Variants in PDE1A observed in about 807,000 individuals in gnomAD.
The protein encoded by PDE1A is dual specificity calcium/calmodulin-dependent 3',5'-cyclic nucleotide phosphodiesterase 1A.
Under a neutral mutation model 61.7 loss-of-function variants are expected in PDE1A, and 35 were observed. The ratio of observed to expected loss-of-function variants is 0.57; its 90% CI spans 0.43 to 0.75. The LOEUF (loss-of-function observed/expected upper bound fraction) is 0.75, where lower values mean the gene tolerates loss of function less well. PDE1A is among the 30% of genes least tolerant of loss of function. The pLI, the probability that PDE1A is intolerant of heterozygous loss-of-function variation, is 0.00. For synonymous variants in PDE1A, 232 were observed against 213.2 expected, an observed-to-expected ratio of 1.09 and a Z score of -0.77; for missense variants, 597 against 630.6, an observed-to-expected ratio of 0.95 and a Z score of 0.57.
intron 1 of PDE1A, among the ~76,000 whole-genome samples, chr2:182,421,376 C>T (rs1485369716): frequency 1.3e-5 from 2 of 152,124 alleles, no homozygotes; most frequent in Admixed American, 6.5e-5. Flanking sequence ...GTACCCTGTT[C>T]CTGACTCTAT....
At chr2:182,632,604 A>G in the PDE1A span, among the ~76,000 whole-genome samples, 2 of 152,116 alleles carry the variant, frequency 1.3e-5, no homozygotes, top group Admixed American at 6.6e-5. Flanking sequence ...CACTGTTACC[A>G]TGCCCCACTG....
intron 13 of PDE1A, among the ~76,000 whole-genome samples, chr2:182,174,582 T>C (rs1159913298): frequency 2.0e-5 from 3 of 152,080 alleles, no homozygotes; most frequent in East Asian, 3.9e-4. Flanking sequence ...AATTCACTAT[T>C]CATACTCTGT....
chr2:182,678,051 C>T, the PDE1A span, among the ~76,000 whole-genome samples: 2 of 152,102 alleles, frequency 1.3e-5, no homozygotes, highest in African/African-American at 2.4e-5. Context: ...CTTTTAAAGG[C>T]AAGAATGAGA....
the PDE1A span, among the ~76,000 whole-genome samples, chr2:182,637,752 C>G: frequency 6.6e-6 from 1 of 152,018 alleles, no homozygotes; most frequent in African/African-American, 2.4e-5. Flanking sequence ...GAAACCCCAT[C>G]TCTACTAAAA....
intron 2 of PDE1A, among the ~76,000 whole-genome samples, chr2:182,489,649 T>C (rs1051824582): frequency 3.3e-5 from 5 of 152,192 alleles, no homozygotes; most frequent in Admixed American, 6.5e-5. Context: ...TCTCTCAAGC[T>C]TTTAGAAGCT....
At chr2:182,620,567 T>C in the PDE1A span, among the ~76,000 whole-genome samples, 1 of 152,202 alleles carries the variant, frequency 6.6e-6, no homozygotes, top group Admixed American at 6.5e-5. Context: ...CATTTTATAA[T>C]TCTCTTAAAA....
chr2:182,337,117 A>G (rs908839232), intron 1 of PDE1A, among the ~76,000 whole-genome samples: 1 of 152,210 alleles, frequency 6.6e-6, no homozygotes, highest in Non-Finnish European at 1.5e-5. Context: ...AATACATGTT[A>G]GGTTGTATTT....
chr2:182,147,122 T>C (rs1690537285), exon 14 of PDE1A: 2 of 1,606,158 alleles, frequency 1.2e-6, no homozygotes, highest in Non-Finnish European at 1.7e-6. Flanking sequence ...ATTTACTAAG[T>C]CTTCTGAGTT....
At chr2:182,351,205 A>G (rs74828271) in intron 1 of PDE1A, among the ~76,000 whole-genome samples, 177 of 152,312 alleles carry the variant, frequency 1.2e-3, no homozygotes, top group African/African-American at 4.0e-3. Flanking sequence ...ACTACAGACA[A>G]TTTTGTCCTC....
rs147098777 is a variant in PDE1A at position 182,334,380 on chromosome 2, A to G, written c.54-69966T>C. On this transcript the variant is annotated intron_variant, in intron 1 of 13. Coordinates refer to ENST00000351439, the Ensembl canonical transcript of PDE1A. ...ACATCGATGCAAAAATCCTCAATAA[A>G]ATACTGGCAAACTGAATCCAGCAGC... 7.4e-3 allele frequency among the ~76,000 whole-genome samples: 1,121 copies of G among 152,214 alleles called. 17 individuals carry two copies. The highest frequency in any genetic ancestry group is 0.026 in the African/African-American group (1,075 of 41,516).
At chr2:182,680,859 G>A in the PDE1A span, among the ~76,000 whole-genome samples, 1 of 152,318 alleles carries the variant, frequency 6.6e-6, no homozygotes, top group Non-Finnish European at 1.5e-5. Flanking sequence ...CATAGGCAGT[G>A]TATAGACAGT....
chr2:182,496,655 A>G (rs1054849580), intron 2 of PDE1A, among the ~76,000 whole-genome samples: 1 of 152,246 alleles, frequency 6.6e-6, no homozygotes, highest in African/African-American at 2.4e-5. Flanking sequence ...TTCTGCTGCT[A>G]TTTTGGCTGA....
At chr2:182,515,896 A>G (rs574614045) in intron 2 of PDE1A, among the ~76,000 whole-genome samples, 1 of 151,446 alleles carries the variant, frequency 6.6e-6, no homozygotes, top group Non-Finnish European at 1.5e-5. Context: ...TCTGAATCCA[A>G]TGTGCCATAG....
chr2:182,477,744 A>G (rs1687457611), intron 2 of PDE1A, among the ~76,000 whole-genome samples: 2 of 151,966 alleles, frequency 1.3e-5, no homozygotes, highest in African/African-American at 2.4e-5. Context: ...ACTGAATCCA[A>G]AGATGCATAA....
At chr2:182,677,691 G>C in the PDE1A span, among the ~76,000 whole-genome samples, 2 of 152,172 alleles carry the variant, frequency 1.3e-5, no homozygotes, top group African/African-American at 4.8e-5. Flanking sequence ...CAATGGAACA[G>C]AATAGAGAGC....
intron 2 of PDE1A, among the ~76,000 whole-genome samples, chr2:182,439,144 C>G (rs1684631888): frequency 6.6e-6 from 1 of 151,792 alleles, no homozygotes; most frequent in Non-Finnish European, 1.5e-5. Context: ...TAAGAAGACC[C>G]AGATTGGTAA....
rs16822843 is a variant in PDE1A, at chr2:182,195,783, A to C, written c.1125+5656T>G. ...GCTAAATGCAGAGCAGAATGGTATCAGTACTGTGGGTCTGACAAAGTGACA... is the reference window on the plus strand; with the variant it reads ...GCTAAATGCAGAGCAGAATGGTATCCGTACTGTGGGTCTGACAAAGTGACA... On this transcript the variant is annotated intron_variant, in intron 10 of 13. Transcript: ENST00000351439. Among the ~76,000 whole-genome samples, 1,318 of 152,248 alleles carry C rather than the reference A, an allele frequency of 8.7e-3. 14 individuals are homozygous for C. Among genetic ancestry groups the C allele is most frequent in the Non-Finnish European group, 0.011 (749 of 67,958 alleles).
chr2:182,391,030 CAG>C (rs916221038), intron 1 of PDE1A, among the ~76,000 whole-genome samples: 4 of 152,184 alleles, frequency 2.6e-5, no homozygotes, highest in Non-Finnish European at 5.9e-5. Flanking sequence ...AGGTGAGGTT[CAG>C]AGTGTGTCTC....
intron 7 of PDE1A, among the ~76,000 whole-genome samples, chr2:182,211,257 A>G (rs868470111): frequency 2.0e-5 from 3 of 152,208 alleles, no homozygotes; most frequent in South Asian, 2.1e-4. Context: ...TGTTAGCACC[A>G]TTTATTGAAA....
Sources: allele counts gnomAD v4.1 joint callset (sites outside exome capture counted in the v4.1 genomes callset), GRCh38; gene constraint gnomAD v4.1.1; transcripts MANE v1.5; gene names NCBI Gene and HGNC (gene_info 2026-07-23, HGNC 2026-07-21).